RIIAD1: variants seen among roughly 807,000 people sequenced by gnomAD.
RIIAD1 encodes the protein RIIa domain-containing protein 1.
Under a neutral mutation model 13.3 loss-of-function variants are expected in RIIAD1, and 15 were observed. The ratio of observed to expected loss-of-function variants is 1.13; its 90% confidence interval spans 0.76 to 1.74. The LOEUF is 1.74. RIIAD1 is among the 40% of genes most tolerant of loss of function. The pLI, the probability that RIIAD1 is intolerant of heterozygous loss-of-function variation, is 0.00. For missense variants in RIIAD1, 121 were observed against 112.2 expected (o/e 1.08, Z -0.35); for synonymous variants, 50 against 43.3 (o/e 1.16, Z -0.61).
At chr1:151,717,161 C>A (rs964408193), upstream of RIIAD1, among the ~76,000 whole-genome samples, 1 of 151,980 alleles carries the variant, frequency 6.6e-6, no homozygotes, top group African/African-American at 2.4e-5. Flanking sequence ...GAGGGGAGCC[C>A]GGCATCTGGG....
upstream of RIIAD1, among the ~76,000 whole-genome samples, chr1:151,719,071 C>A (rs1433995418): frequency 2.0e-5 from 3 of 152,190 alleles, no homozygotes; most frequent in Admixed American, 6.5e-5. Flanking sequence ...CTCCTCCTCC[C>A]AGTCAGTAAT....
chr1:151,728,242 A>G (rs1673866805), intron 3 of RIIAD1: 1 of 166,310 alleles, frequency 6.0e-6, no homozygotes, highest in Non-Finnish European at 1.3e-5. Context: ...GGGTGTATAA[A>G]AACCCTCATC....
At chr1:151,723,325 C>T (rs531400872) in intron 2 of RIIAD1, among the ~76,000 whole-genome samples, 1 of 151,980 alleles carries the variant, frequency 6.6e-6, no homozygotes, top group African/African-American at 2.4e-5. Context: ...ACCCAGGAGG[C>T]AAAGGTTGCA....
chr1:151,714,737 G>T (rs1012168877), intron 4 of RIIAD1: 20 of 1,191,378 alleles, frequency 1.7e-5, no homozygotes, highest in Non-Finnish European at 2.3e-5. Flanking sequence ...TCCCCTCTCT[G>T]AAAGGCTCCC....
At chr1:151,729,464 G>A (rs1647272392) in intron 4 of RIIAD1, 24 bp from the exon 5 acceptor site, 1 of 152,320 alleles carries the variant, frequency 6.6e-6, no homozygotes, top group South Asian at 2.1e-4. Flanking sequence ...CTCCTAATTT[G>A]GTGGAACCAT....
At chr1:151,725,105 G>A (rs544824328) in intron 2 of RIIAD1, among the ~76,000 whole-genome samples, 5 of 80,126 alleles carry the variant, frequency 6.2e-5, no homozygotes, top group African/African-American at 2.3e-4. Context: ...ACCGCACCTC[G>A]CCTTTTTTTT....
At chr1:151,715,454 G>T (rs1363132910) in intron 4 of RIIAD1, among the ~76,000 whole-genome samples, 1 of 151,932 alleles carries the variant, frequency 6.6e-6, no homozygotes, top group African/African-American at 2.4e-5. Flanking sequence ...TTGAACACCT[G>T]ACCCTGTGTC....
At chr1:151,712,502 G>T (rs1673109525) in intron 2 of RIIAD1, among the ~76,000 whole-genome samples, 1 of 152,208 alleles carries the variant, frequency 6.6e-6, no homozygotes, top group Non-Finnish European at 1.5e-5. Flanking sequence ...GACAGGGAAG[G>T]CCCATGTCCC....
In RIIAD1 at chr1:151,728,130, G is replaced by T. The variant is rs182550631; in HGVS notation, c.208+509G>T. Among the ~76,000 whole-genome samples, 117 of 152,338 alleles carry T rather than the reference G, an allele frequency of 7.7e-4. 2 individuals are homozygous for T. The East Asian group carries it at 0.014, about 19-fold the overall frequency. On this transcript the variant is annotated intron_variant, in intron 3 of 4. Transcript: ENST00000479191. ...TTGGACGATTTCTTGGTTCCTGTTA[G>T]TCCTGAGAATTGGTTACATCCCAGA... is the stretch of plus-strand genomic sequence containing the variant.
intron 2 of RIIAD1, among the ~76,000 whole-genome samples, chr1:151,723,552 TAGTC>T (rs1180147493): frequency 6.6e-6 from 1 of 150,880 alleles, no homozygotes; most frequent in Non-Finnish European, 1.5e-5. Context: ...ATACAAAAAT[TAGTC>T]AGGCGTGGTG....
chr1:151,717,845 GGA>G (rs765172901), upstream of RIIAD1, among the ~76,000 whole-genome samples: 4 of 152,218 alleles, frequency 2.6e-5, no homozygotes, highest in Non-Finnish European at 5.9e-5. Flanking sequence ...ATACTTCTAT[GGA>G]TGATTGGCAG....
Position 151,721,587 on chromosome 1 carries a change from C to A in RIIAD1, c.51C>A (p.Ser17Arg). 7.6e-7 allele frequency: 1 copy of A among 1,311,196 alleles called. No homozygotes were observed. The highest frequency in any genetic ancestry group is 9.7e-7 in the Non-Finnish European group (1 of 1,027,084). 81.2% of individuals were successfully genotyped at this position (1,311,196 alleles called of 1,614,324 possible). The change falls in exon 1 of 5, where the codon AGC becomes AGA. Residue 17 changes from serine (S) to arginine (R), a missense_variant. Ser to Arg is a moderately radical substitution (Grantham distance 110, BLOSUM62 -1). Transcript: ENST00000479191. ...LLQRPDPGAL[S>R]AAQLEQLRKF... ...AGCGGCCCGACCCCGGGGCGCTTAG[C>A]GCAGCGCAGCTGGAGCAGCTGCGAA...
At chr1:151,721,194 G>C (rs1673727601), upstream of RIIAD1, among the ~76,000 whole-genome samples, 1 of 152,200 alleles carries the variant, frequency 6.6e-6, no homozygotes, top group Admixed American at 6.5e-5. Flanking sequence ...TCTTTCCCCA[G>C]TACTAGGCTT....
exon 4 of RIIAD1, chr1:151,714,475 G>T (rs1357744097): frequency 7.9e-6 from 6 of 756,118 alleles, no homozygotes; most frequent in Non-Finnish European, 1.4e-5. Flanking sequence ...AGAGAGAGAG[G>T]GGGACTTCCT....
At chr1:151,714,772 C>A in intron 4 of RIIAD1, 1 of 868,024 alleles carries the variant, frequency 1.2e-6, no homozygotes, top group Non-Finnish European at 1.9e-6. Context: ...GACTGGGAAG[C>A]TTTCCCTTCT....
chr1:151,725,827 A>C (rs1159632523), intron 2 of RIIAD1, among the ~76,000 whole-genome samples: 1 of 152,100 alleles, frequency 6.6e-6, no homozygotes, highest in Non-Finnish European at 1.5e-5. Context: ...TTTCAGATTG[A>C]GTATAAATGT....
chr1:151,711,588 T>C (rs556197354), intron 1 of RIIAD1, among the ~76,000 whole-genome samples: 3 of 152,342 alleles, frequency 2.0e-5, no homozygotes, highest in East Asian at 3.9e-4. Flanking sequence ...TCCTTAGGCA[T>C]GTGTGTGCGG....
chr1:151,717,843 A>G (rs1001274120), upstream of RIIAD1, among the ~76,000 whole-genome samples: 1 of 152,206 alleles, frequency 6.6e-6, no homozygotes, highest in African/African-American at 2.4e-5. Flanking sequence ...GGATACTTCT[A>G]TGGATGATTG....
Position 151,721,533 on chromosome 1 carries a change from C to G in RIIAD1, c.-4C>G, listed in dbSNP as rs1015571028. 6 of 1,320,594 alleles carry G rather than the reference C, an allele frequency of 4.5e-6. No homozygotes were observed. Among genetic ancestry groups the G allele is most frequent in the Non-Finnish European group, 4.8e-6 (5 of 1,034,162 alleles). 81.8% of individuals were successfully genotyped at this position (1,320,594 alleles called of 1,614,324 possible). ...CGGCCGGTCGCCTTGACGACCGCAG[C>G]AAGATGGAGACGCTGCCAGGCTTGC... On this transcript the variant is annotated 5_prime_UTR_variant, in exon 1 of 5. Transcript: ENST00000479191.
Sources: gnomAD v4.1 joint callset for allele counts (sites outside exome capture counted in the v4.1 genomes callset) on GRCh38, gnomAD v4.1.1 for gene constraint, MANE v1.5 for transcripts, NCBI Gene and HGNC (gene_info 2026-07-23, HGNC 2026-07-21) for gene names.